ASPHD1: variants seen among roughly 807,000 people sequenced by gnomAD.
The protein encoded by ASPHD1 is aspartate beta-hydroxylase domain-containing protein 1.
A neutral mutation model predicts 28.3 loss-of-function variants in ASPHD1; 20 were observed. That is an observed-to-expected ratio of 0.71 (90% CI 0.50 to 1.03). The LOEUF is 1.03. Among genes scored for constraint, ASPHD1 ranks in the 50% least tolerant of loss-of-function variants. The pLI is 0.00. For missense variants in ASPHD1, 479 were observed against 524.1 expected (o/e 0.91, Z 0.84); for synonymous variants, 240 against 221.2 (o/e 1.08, Z -0.75).
At chr16:29,911,417 C>G (rs1449270902) in intron 3 of ASPHD1, 13 of 564,772 alleles carry the variant, frequency 2.3e-5, no homozygotes, top group Non-Finnish European at 3.4e-5. Flanking sequence ...GCCAGGCCAC[C>G]TCCCCGGGGG....
chr16:29,901,778 G>A lies in ASPHD1; in HGVS notation c.807G>A (p.Pro269=), dbSNP rs1183770274. The change falls in exon 1 of 3, where the codon CCG becomes CCA. Residue 269 remains proline (P), a synonymous_variant. Coordinates refer to ENST00000308748, the MANE Select transcript of ASPHD1 (RefSeq NM_181718.4). This position sits in a 1 kb window ranked among gnomAD's most constrained non-coding sequence, Gnocchi z 5.1. Reference sequence around the variant, plus strand: ...AACCCAGCAACTGCCGCCGGTGCCCGGGGGCCTATCGGGCACTGAGGGGGC... The same window carrying A: ...AACCCAGCAACTGCCGCCGGTGCCCAGGGGCCTATCGGGCACTGAGGGGGC... ...RCQPSNCRRC[P]GAYRALRGLR... is the part of the protein sequence containing the mutation. 1.3e-6 allele frequency: 2 copies of A among 1,555,920 alleles called. No individual in the cohort carries two copies. The highest frequency in any genetic ancestry group is 2.3e-5 in the East Asian group (1 of 43,694).
At chr16:29,907,186 C>T, downstream of ASPHD1, 1 of 949,204 alleles carries the variant, frequency 1.1e-6, no homozygotes. Context: ...AGGGCCCCTG[C>T]ACCAACACAC....
Position 29,900,860 on chromosome 16 carries a change from A to C in ASPHD1, c.-112A>C. ...AGAGAGAAGCAGAGCGAGAGAGAGG[A>C]GGCTGCTGGAAGGAGAAAGAAGAGG... On this transcript the variant is annotated 5_prime_UTR_variant, in exon 1 of 3. Transcript: ENST00000308748. The C allele has an allele frequency of 1.1e-6, 1 of 902,060 alleles. No individual in the cohort carries two copies. The allele number at this position is 902,060 out of a possible 1,614,324, so 55.9% of individuals were successfully genotyped here.
chr16:29,904,795 AG>A, intron 1 of ASPHD1, 56 bp from the exon 2 acceptor site: 2 of 1,210,048 alleles, frequency 1.7e-6, no homozygotes, highest in African/African-American at 3.0e-5. Context: ...TTGACTGGCC[AG>A]GATGGGCCCC....
downstream of ASPHD1, among the ~76,000 whole-genome samples, chr16:29,909,186 C>A (rs2068663417): frequency 6.6e-6 from 1 of 152,162 alleles, no homozygotes; most frequent in African/African-American, 2.4e-5. Context: ...ATGCAAACCC[C>A]CTCCCCTCCA....
intron 3 of ASPHD1, among the ~76,000 whole-genome samples, chr16:29,915,669 T>C (rs963332079): frequency 6.6e-6 from 1 of 151,952 alleles, no homozygotes; most frequent in African/African-American, 2.4e-5. Context: ...CCTTCTCTAC[T>C]TTGGGCTTGT....
downstream of ASPHD1, among the ~76,000 whole-genome samples, chr16:29,908,667 A>G (rs2068653698): frequency 6.8e-6 from 1 of 147,218 alleles, no homozygotes; most frequent in African/African-American, 2.5e-5. Context: ...TACAGGTGTG[A>G]GCCACCATGC....
At chr16:29,911,208 T>C (rs749885176) in intron 3 of ASPHD1, 2 of 1,539,820 alleles carry the variant, frequency 1.3e-6, no homozygotes, top group Non-Finnish European at 1.8e-6. Flanking sequence ...CTCAGCGCAG[T>C]TGGCACCCCT....
chr16:29,911,193 G>T (rs1326362197), intron 3 of ASPHD1: 3 of 1,608,174 alleles, frequency 1.9e-6, no homozygotes, highest in African/African-American at 2.7e-5. Flanking sequence ...AGGGGACCAG[G>T]AGGCCTCAGC....
At chr16:29,907,590 T>C (rs945022798), downstream of ASPHD1, among the ~76,000 whole-genome samples, 2 of 151,684 alleles carry the variant, frequency 1.3e-5, no homozygotes, top group African/African-American at 4.8e-5. Flanking sequence ...AGTTTGAGTC[T>C]AGTCTGGGCA....
intron 3 of ASPHD1, chr16:29,911,678 A>T: frequency 1.2e-6 from 1 of 838,876 alleles, no homozygotes; most frequent in Non-Finnish European, 1.9e-6. Flanking sequence ...GTCAGGGGTA[A>T]GAGGCGAAGC....
downstream of ASPHD1, chr16:29,906,951 C>T (rs753862246): frequency 9.9e-6 from 16 of 1,613,986 alleles, no homozygotes; most frequent in African/African-American, 1.3e-5. Flanking sequence ...CCTGCGGACA[C>T]GGTGCTCTCG....
chr16:29,910,415 TAATA>T (rs2068687021), downstream of ASPHD1, among the ~76,000 whole-genome samples: 3 of 149,338 alleles, frequency 2.0e-5, no homozygotes, highest in Admixed American at 6.6e-5. Context: ...ATAATAATAA[TAATA>T]AATAAATAAA....
Position 29,901,409 on chromosome 16 carries a change from G to A in ASPHD1, c.438G>A (p.Val146=). Residue 146 remains valine (V), a synonymous_variant, in exon 1 of 3, where the codon GTG becomes GTA. Coordinates refer to ENST00000308748, the MANE Select transcript of ASPHD1 (RefSeq NM_181718.4). The surrounding 1 kb of genome is among the most constrained non-coding windows in gnomAD (Gnocchi z 5.1). ...AAGGACCTAGGACGGAAGGCCTAGT[G>A]AGCCGGCGGCTTCGGGCCTACGCAA... The part of the protein sequence containing the change: ...PGEGPRTEGL[V]SRRLRAYARR... 3.1e-6 allele frequency: 5 copies of A among 1,590,792 alleles called. No individual in the cohort carries two copies. The highest frequency in any genetic ancestry group is 4.3e-6 in the Non-Finnish European group (5 of 1,170,004).
Position 29,905,999 on chromosome 16 carries a change from GCGGA to G in ASPHD1, c.*103_*106del. 3.9e-5 allele frequency: 26 copies of G among 672,248 alleles called. No individual in the cohort carries two copies. The highest frequency in any genetic ancestry group is 9.6e-5 in the East Asian group (3 of 31,360). The allele number at this position is 672,248 out of a possible 1,614,324, so 41.6% of individuals were successfully genotyped here. On this transcript the variant is annotated 3_prime_UTR_variant, in exon 3 of 3. Coordinates refer to ENST00000308748, the MANE Select transcript of ASPHD1 (RefSeq NM_181718.4). Reference sequence around the variant, plus strand: ...CTCTCTACTGCGGGGGTGGGCGGGGGCGGAGGATGGGAACTGGCTAGTGAGCACT... The same window carrying G: ...CTCTCTACTGCGGGGGTGGGCGGGGGGGATGGGAACTGGCTAGTGAGCACT...
chr16:29,906,215 C>G (rs1180789852), downstream of ASPHD1: 1 of 190,380 alleles, frequency 5.3e-6, no homozygotes, highest in Non-Finnish European at 1.1e-5. Flanking sequence ...AACTCCTGGG[C>G]TCAAGTGATC....
chr16:29,906,834 G>A (rs2068621300), downstream of ASPHD1: 3 of 1,570,788 alleles, frequency 1.9e-6, no homozygotes, highest in Middle Eastern at 1.7e-4. Context: ...GAGGGACTGG[G>A]TCCCAAGGCA....
Position 29,901,644 on chromosome 16 carries a change from G to A in ASPHD1, c.673G>A (p.Gly225Arg), listed in dbSNP as rs1163380165. ...CTTCCCTGCCATTTTGCGGGACTTC[G>A]GGGCTGTGAGCTGGGACTTCTCAGG... Reference protein sequence around the residue: ...SSFPAILRDFGAVSWDFSGTT... With the variant: ...SSFPAILRDFRAVSWDFSGTT... The change falls in exon 1 of 3, where the codon GGG (glycine) becomes AGG (arginine). Residue 225 changes from glycine to arginine, a missense_variant. Physicochemically the swap from Gly to Arg is moderately radical, Grantham distance 125. Coordinates refer to ENST00000308748, the MANE Select transcript of ASPHD1 (RefSeq NM_181718.4). This position sits in a 1 kb window ranked among gnomAD's most constrained non-coding sequence, Gnocchi z 5.1. The A allele has an allele frequency of 1.9e-6, 3 of 1,577,416 alleles. No homozygotes were observed. Among genetic ancestry groups the A allele is most frequent in the African/African-American group, 1.4e-5 (1 of 73,904 alleles).
In ASPHD1 at chr16:29,900,692, C is replaced by T; in HGVS notation, c.-280C>T. 2 of 537,694 alleles carry T rather than the reference C, an allele frequency of 3.7e-6. No individual in the cohort carries two copies. The highest frequency in any genetic ancestry group is 6.6e-6 in the Non-Finnish European group (2 of 302,888). 33.3% of individuals were successfully genotyped at this position (537,694 alleles called of 1,614,324 possible). On this transcript the variant is annotated 5_prime_UTR_variant, in exon 1 of 3. Transcript: ENST00000308748. ...AGTGAGGCCGGAGAGAAAGAAGCTG[C>T]CGCGGAGGAAGACAGGCTGCGGGTT...
Sources: allele counts gnomAD v4.1 joint callset (sites outside exome capture counted in the v4.1 genomes callset), GRCh38; gene constraint gnomAD v4.1.1; non-coding constraint Gnocchi (gnomAD v3.1); transcripts MANE v1.5; gene names NCBI Gene and HGNC (gene_info 2026-07-23, HGNC 2026-07-21).